The following ST7 variants were observed in gnomAD, a reference collection of about 807,000 sequenced individuals.
ST7 encodes the protein suppressor of tumorigenicity 7 protein.
ST7 carries 28 observed loss-of-function variants against 78.7 expected under a neutral mutation model. That is an observed-to-expected ratio of 0.36 (90% CI 0.26 to 0.49). The LOEUF is 0.49. Among genes scored for constraint, ST7 ranks in the 20% least tolerant of loss-of-function variants. ST7 has a pLI of 0.99. For missense variants in ST7, 418 were observed against 696.0 expected, an observed-to-expected ratio of 0.60 and a Z score of 4.49; for synonymous variants, 247 against 249.6, an observed-to-expected ratio of 0.99 and a Z score of 0.10.
At chr7:117,039,560 T>G (rs1382294274) in intron 1 of ST7, among the ~76,000 whole-genome samples, 1 of 149,628 alleles carries the variant, frequency 6.7e-6, no homozygotes, top group Admixed American at 6.7e-5. Flanking sequence ...GGCGACAGAG[T>G]GAGACCCTGT....
chr7:117,187,588 T>C (rs1171864646), intron 10 of ST7: 1 of 152,204 alleles, frequency 6.6e-6, no homozygotes, highest in Admixed American at 6.5e-5. Context: ...CTCGAATGTA[T>C]CTTTTTCTGT....
intron 1 of ST7, among the ~76,000 whole-genome samples, chr7:117,068,147 G>C (rs759212259): frequency 6.6e-6 from 1 of 152,130 alleles, no homozygotes; most frequent in Non-Finnish European, 1.5e-5. Flanking sequence ...AGGGTTCACA[G>C]TTTAGGATGC....
chr7:116,992,227 A>G (rs987230322), intron 1 of ST7, among the ~76,000 whole-genome samples: 2 of 152,152 alleles, frequency 1.3e-5, no homozygotes, highest in African/African-American at 2.4e-5. Context: ...TAGGGACTCT[A>G]TGTGAGGGCT....
intron 1 of ST7, among the ~76,000 whole-genome samples, chr7:117,097,525 T>C (rs1801147133): frequency 6.6e-6 from 1 of 151,864 alleles, no homozygotes; most frequent in Non-Finnish European, 1.5e-5. Context: ...GGTTTTGCCA[T>C]GTTGGCTAGG....
chr7:117,086,704 A>C (rs1800173659), intron 1 of ST7, among the ~76,000 whole-genome samples: 1 of 152,172 alleles, frequency 6.6e-6, no homozygotes, highest in African/African-American at 2.4e-5. Flanking sequence ...AATATTTGAA[A>C]ATATCAGTGC....
chr7:116,964,524 C>A lies in ST7; in HGVS notation c.151+10833C>A, dbSNP rs1017635650. On this transcript the variant is annotated intron_variant, in intron 1 of 15. Transcript: ENST00000323984. Reference sequence around the variant, plus strand: ...TTTCCCTGGGGCTTGGGTTGGGGAGCGTGTGTATGTTTGTGCAGAATTTCT... The same window carrying A: ...TTTCCCTGGGGCTTGGGTTGGGGAGAGTGTGTATGTTTGTGCAGAATTTCT... Among the ~76,000 whole-genome samples the A allele has an allele frequency of 3.3e-5, 5 of 151,870 alleles. No individual in the cohort carries two copies. The South Asian group carries it at 1.0e-3, about 32-fold the overall frequency.
intron 9 of ST7, among the ~76,000 whole-genome samples, chr7:117,145,792 C>A (rs996887810): frequency 6.6e-6 from 1 of 152,118 alleles, no homozygotes; most frequent in Non-Finnish European, 1.5e-5. Context: ...AATACAGATA[C>A]CCTGTATAAA....
intron 1 of ST7, among the ~76,000 whole-genome samples, chr7:117,097,908 A>ATATATTTTTTTT: frequency 4.3e-4 from 13 of 30,006 alleles, no homozygotes; most frequent in African/African-American, 2.1e-3. Flanking sequence ...ATATATATAT[A>ATATATTTTTTTT]TTTTTTTTTT....
Position 116,974,189 on chromosome 7 carries a change from T to C in ST7, c.151+20498T>C, listed in dbSNP as rs530256576. On this transcript the variant is annotated intron_variant, in intron 1 of 15. Transcript: ENST00000323984. ...ATATCCCCCTCAGGTATTCTTGTAC[T>C]TAAAAATTCTTTGTATGATGATCTG... Among the ~76,000 whole-genome samples the C allele has an allele frequency of 4.6e-5, 7 of 152,352 alleles. No individual in the cohort carries two copies. In the East Asian group the frequency reaches 1.3e-3, roughly 29 times the overall value.
At chr7:117,066,676 G>A (rs983770571) in intron 1 of ST7, among the ~76,000 whole-genome samples, 4 of 149,498 alleles carry the variant, frequency 2.7e-5, no homozygotes, top group Non-Finnish European at 5.9e-5. Flanking sequence ...CAGGAGAATC[G>A]CTTGAACCTG....
At chr7:116,972,732 A>T in intron 1 of ST7, 1 of 923,958 alleles carries the variant, frequency 1.1e-6, no homozygotes, top group Non-Finnish European at 1.8e-6. Flanking sequence ...CCAGCTTCTC[A>T]TGAACCAGCT....
chr7:116,978,133 G>A (rs1040177002), intron 1 of ST7, among the ~76,000 whole-genome samples: 1 of 152,146 alleles, frequency 6.6e-6, no homozygotes, highest in Non-Finnish European at 1.5e-5. Flanking sequence ...CTTCTGGCCA[G>A]CCTCATATCT....
At chr7:117,041,403 C>T (rs1766010119) in intron 1 of ST7, among the ~76,000 whole-genome samples, 1 of 152,102 alleles carries the variant, frequency 6.6e-6, no homozygotes. Flanking sequence ...AGCTATAAGA[C>T]AGTGGTATGG....
At chr7:116,976,314 A>G (rs1039844531) in intron 1 of ST7, among the ~76,000 whole-genome samples, 3 of 152,148 alleles carry the variant, frequency 2.0e-5, no homozygotes, top group Non-Finnish European at 4.4e-5. Flanking sequence ...CCCAAGTTCA[A>G]AACTCAGTGG....
chr7:116,996,014 T>A (rs1794634140), intron 1 of ST7, among the ~76,000 whole-genome samples: 1 of 152,068 alleles, frequency 6.6e-6, no homozygotes, highest in Non-Finnish European at 1.5e-5. Context: ...CTACCCCTTC[T>A]TACCTCCATA....
At chr7:117,162,621 TTG>T (rs1807247083) in intron 9 of ST7, among the ~76,000 whole-genome samples, 1 of 151,458 alleles carries the variant, frequency 6.6e-6, no homozygotes, top group Non-Finnish European at 1.5e-5. Context: ...AGGTGCTGGG[TTG>T]TATGGTGGGC....
intron 1 of ST7, among the ~76,000 whole-genome samples, chr7:117,098,233 C>T (rs1290631407): frequency 2.0e-5 from 3 of 151,670 alleles, no homozygotes; most frequent in Non-Finnish European, 2.9e-5. Flanking sequence ...CTTTGTTGCT[C>T]AGTCTCCTAA....
intron 1 of ST7, among the ~76,000 whole-genome samples, chr7:117,051,814 T>G (rs183010379): frequency 6.6e-6 from 1 of 152,236 alleles, no homozygotes; most frequent in Non-Finnish European, 1.5e-5. Flanking sequence ...TCAAGGATGA[T>G]TCCCAAGTTC....
intron 1 of ST7, among the ~76,000 whole-genome samples, chr7:117,065,411 G>T (rs976068335): frequency 6.6e-6 from 1 of 151,782 alleles, no homozygotes; most frequent in African/African-American, 2.4e-5. Context: ...GGGTTTCACC[G>T]TGTTAGCCAG....
Sources: allele counts gnomAD v4.1 joint callset (sites outside exome capture counted in the v4.1 genomes callset), GRCh38; gene constraint gnomAD v4.1.1; transcripts MANE v1.5; gene names NCBI Gene and HGNC (gene_info 2026-07-23, HGNC 2026-07-21).